SNX7: variants seen among roughly 807,000 people sequenced by gnomAD.
SNX7 encodes sorting nexin-7.
SNX7 carries 35 observed loss-of-function variants against 48.4 expected under a neutral mutation model. The observed-to-expected ratio is 0.72, with a 90% confidence interval of 0.55 to 0.96. The LOEUF is 0.96. Among genes scored for constraint, SNX7 ranks in the 40% least tolerant of loss-of-function variants. The pLI is 0.00. For synonymous variants in SNX7, 190 were observed against 190.2 expected (o/e 1.00, Z 0.01); for missense variants, 553 against 548.9 (o/e 1.01, Z -0.07).
chr1:98,705,742 T>C (rs909175339), intron 7 of SNX7, among the ~76,000 whole-genome samples: 2 of 152,140 alleles, frequency 1.3e-5, no homozygotes, highest in Non-Finnish European at 2.9e-5. Flanking sequence ...AAAGATGGAC[T>C]GTAGTCAGGT....
chr1:98,664,510 A>G (rs1385162812), intron 1 of SNX7, among the ~76,000 whole-genome samples: 2 of 152,202 alleles, frequency 1.3e-5, no homozygotes, highest in Non-Finnish European at 2.9e-5. Context: ...CACCTGAGTG[A>G]CGGAGTGAGA....
chr1:98,741,351 A>G (rs1654058643), intron 8 of SNX7, among the ~76,000 whole-genome samples: 1 of 152,184 alleles, frequency 6.6e-6, no homozygotes, highest in African/African-American at 2.4e-5. Flanking sequence ...AACTCCAGTT[A>G]TTATCATATT....
At chr1:98,667,917 AAAC>A (rs1649627206) in intron 1 of SNX7, among the ~76,000 whole-genome samples, 5 of 151,878 alleles carry the variant, frequency 3.3e-5, no homozygotes, top group African/African-American at 7.2e-5. Flanking sequence ...AGGAAAAAAA[AAAC>A]AAAAAAAACA....
intron 1 of SNX7, among the ~76,000 whole-genome samples, chr1:98,676,637 G>A (rs1031107730): frequency 3.3e-5 from 5 of 152,118 alleles, no homozygotes; most frequent in African/African-American, 9.7e-5. Flanking sequence ...GAGTATTATC[G>A]ATGCTTCAAA....
intron 1 of SNX7, among the ~76,000 whole-genome samples, chr1:98,682,914 C>T (rs187568810): frequency 2.0e-5 from 3 of 152,192 alleles, no homozygotes; most frequent in East Asian, 3.9e-4. Flanking sequence ...TCTCATTTTC[C>T]ATCTCTTGTT....
intron 1 of SNX7, among the ~76,000 whole-genome samples, chr1:98,663,278 T>G (rs1557781087): frequency 3.6e-5 from 4 of 109,864 alleles, no homozygotes; most frequent in Admixed American, 9.8e-5. Flanking sequence ...TTTTTTTTTT[T>G]TTTTTTTTTT....
chr1:98,681,034 G>A (rs1030713431), intron 1 of SNX7, among the ~76,000 whole-genome samples: 1 of 152,156 alleles, frequency 6.6e-6, no homozygotes, highest in Non-Finnish European at 1.5e-5. Context: ...CCTGAGACTG[G>A]GGCATTTGTA....
At chr1:98,723,668 A>G (rs1570572635) in intron 7 of SNX7, among the ~76,000 whole-genome samples, 1 of 152,120 alleles carries the variant, frequency 6.6e-6, no homozygotes, top group Admixed American at 6.5e-5. Context: ...AGCCTGGCCA[A>G]CATGGCAAAA....
chr1:98,684,417 C>G (rs971908332), intron 1 of SNX7, among the ~76,000 whole-genome samples: 3 of 152,136 alleles, frequency 2.0e-5, no homozygotes, highest in Non-Finnish European at 4.4e-5. Flanking sequence ...AAGGGATGCT[C>G]TCAGCTTCAA....
chr1:98,669,452 C>T (rs1161183679), intron 1 of SNX7, among the ~76,000 whole-genome samples: 1 of 152,292 alleles, frequency 6.6e-6, no homozygotes, highest in African/African-American at 2.4e-5. Flanking sequence ...ATATTGTCAC[C>T]ATTTGCCATT....
At chr1:98,701,673 C>G in intron 6 of SNX7, 144 bp from the exon 7 acceptor site, 1 of 346,262 alleles carries the variant, frequency 2.9e-6, no homozygotes, top group Non-Finnish European at 5.0e-6. Flanking sequence ...AAAAAAAAAA[C>G]AACTTTTTAA....
intron 7 of SNX7, among the ~76,000 whole-genome samples, chr1:98,735,119 A>G (rs542599170): frequency 6.6e-5 from 10 of 152,238 alleles, no homozygotes; most frequent in Admixed American, 2.6e-4. Context: ...TTTGTTGAGT[A>G]TATTTGTTCT....
At chr1:98,685,705 G>A (rs911156099) in intron 2 of SNX7, among the ~76,000 whole-genome samples, 12 of 152,048 alleles carry the variant, frequency 7.9e-5, no homozygotes, top group South Asian at 2.1e-4. Flanking sequence ...TTTATGAAGC[G>A]TCACCCTAGA....
chr1:98,696,455 G>A (rs1256175445), intron 5 of SNX7, among the ~76,000 whole-genome samples: 2 of 151,908 alleles, frequency 1.3e-5, no homozygotes, highest in South Asian at 4.1e-4. Flanking sequence ...TCCGGGCAGT[G>A]TTTAAACATA....
Position 98,738,283 on chromosome 1 carries a change from AT to A in SNX7, c.1173del (p.Asn391LysfsTer4). 6.2e-7 allele frequency: 1 copy of A among 1,613,616 alleles called. No individual in the cohort carries two copies. The highest frequency in any genetic ancestry group is 8.5e-7 in the Non-Finnish European group (1 of 1,179,762). ...CTTGAAGATAAAGTGGAATGTGCTA[AT>A]AATGCCCTGAAAGCAGATTGGGAGA... The part of the protein sequence containing the change: ...GKLEDKVECA[N>X]NALKADWERW... On this transcript the variant is annotated frameshift_variant, in exon 8 of 9. Transcript: ENST00000306121. LOFTEE classifies it high-confidence loss of function.
At chr1:98,663,252 GGTTTTTTTTT>G (rs369159385) in intron 1 of SNX7, among the ~76,000 whole-genome samples, 10,283 of 82,778 alleles carry the variant, frequency 0.12, 1,320 homozygotes, top group South Asian at 0.16. Context: ...GTTTCTTTCT[GGTTTTTTTTT>G]TTTTTTTTTT....
At position 98,695,687 on chromosome 1, in the gene SNX7, T is replaced by C; in HGVS notation, c.809T>C (p.Ile270Thr). 1 of 1,583,038 alleles carries C rather than the reference T, an allele frequency of 6.3e-7. No individual in the cohort carries two copies. The highest frequency in any genetic ancestry group is 8.7e-7 in the Non-Finnish European group (1 of 1,151,814). Residue 270 changes from isoleucine to threonine, a missense_variant, in exon 5 of 9, where the codon ATA (isoleucine) becomes ACA (threonine). Ile to Thr is a moderately conservative substitution (Grantham distance 89). Coordinates refer to ENST00000306121, the MANE Select transcript of SNX7 (RefSeq NM_015976.5). ...CAGAAAATAAATTTGATAGATAAAA[T>C]ATCTCAGAGAATTTATAAGGAAGAA... The part of the protein sequence containing the change: ...FSQKINLIDK[I>T]SQRIYKEERE...
chr1:98,681,684 A>G (rs1243517524), intron 1 of SNX7, among the ~76,000 whole-genome samples: 1 of 152,224 alleles, frequency 6.6e-6, no homozygotes. Flanking sequence ...GACCAGAGAT[A>G]TAACAGTTAA....
intron 8 of SNX7, among the ~76,000 whole-genome samples, chr1:98,755,030 GA>G (rs1311227893): frequency 2.6e-5 from 4 of 151,796 alleles, no homozygotes; most frequent in Admixed American, 6.6e-5. Flanking sequence ...AACTCTTTCT[GA>G]TTTCTCCATT....
Sources: gnomAD v4.1 joint callset for allele counts (sites outside exome capture counted in the v4.1 genomes callset) on GRCh38, gnomAD v4.1.1 for gene constraint, MANE v1.5 for transcripts, NCBI Gene and HGNC (gene_info 2026-07-23, HGNC 2026-07-21) for gene names.